Variants in PDE4B observed in about 807,000 individuals in gnomAD.
PDE4B encodes the protein 3',5'-cyclic-AMP phosphodiesterase 4B.
A neutral mutation model predicts 82.2 loss-of-function variants in PDE4B; 20 were observed. The observed-to-expected ratio is 0.24, with a 90% confidence interval of 0.17 to 0.35. The LOEUF is 0.35. Among genes scored for constraint, PDE4B ranks in the 10% least tolerant of loss-of-function variants. The pLI is 1.00. For missense variants in PDE4B, 655 were observed against 907.2 expected (o/e 0.72, Z 3.57); for synonymous variants, 320 against 318.9 (o/e 1.00, Z -0.04).
At chr1:65,994,927 A>G (rs1651450508) in intron 3 of PDE4B, among the ~76,000 whole-genome samples, 1 of 152,086 alleles carries the variant, frequency 6.6e-6, no homozygotes, top group Non-Finnish European at 1.5e-5. Context: ...AAGAACCCCA[A>G]TTTTAAAATG....
chr1:65,879,379 G>T (rs1234580531), intron 1 of PDE4B, among the ~76,000 whole-genome samples: 3 of 151,990 alleles, frequency 2.0e-5, no homozygotes, highest in Non-Finnish European at 2.9e-5. Context: ...AAAATGTTAA[G>T]CTCCTGCTAA....
intron 12 of PDE4B, among the ~76,000 whole-genome samples, chr1:66,365,033 G>T (rs557960523): frequency 1.3e-5 from 2 of 152,154 alleles, no homozygotes; most frequent in Admixed American, 6.6e-5. Context: ...GTGCATGGGT[G>T]GGGGCAGAGA....
At chr1:66,204,827 T>A (rs1649408429) in intron 3 of PDE4B, among the ~76,000 whole-genome samples, 1 of 152,208 alleles carries the variant, frequency 6.6e-6, no homozygotes, top group South Asian at 2.1e-4. Flanking sequence ...CTGCTTCAGC[T>A]CGCTCACGGT....
intron 6 of PDE4B, among the ~76,000 whole-genome samples, chr1:66,265,069 G>A (rs1309325042): frequency 2.6e-5 from 4 of 152,212 alleles, no homozygotes; most frequent in Admixed American, 1.3e-4. Context: ...CTTAATGCCA[G>A]TGTTTCTGAA....
At chr1:66,005,320 A>C (rs1374434873) in intron 3 of PDE4B, among the ~76,000 whole-genome samples, 5 of 152,116 alleles carry the variant, frequency 3.3e-5, no homozygotes, top group African/African-American at 1.2e-4. Flanking sequence ...GAAAGATAAT[A>C]ACAAGCTCAT....
chr1:65,973,889 T>A (rs1371856703), intron 3 of PDE4B, among the ~76,000 whole-genome samples: 2 of 152,164 alleles, frequency 1.3e-5, no homozygotes, highest in Non-Finnish European at 2.9e-5. Context: ...GCCGGCTCAC[T>A]GTAACGTCCA....
rs1347014857 is a variant in PDE4B, at chr1:66,361,781, T to A, written c.1008T>A (p.Asp336Glu). The change falls in exon 10 of 17, where the codon GAT becomes GAA. Residue 336 changes from aspartate (D) to glutamate (E), a missense_variant. Asp to Glu is a conservative substitution (Grantham distance 45). Around this residue, in one of 3 missense-constraint regions of PDE4B, gnomAD observed 283 missense variants for 516.4 expected, o/e 0.55. Coordinates refer to ENST00000341517, the MANE Select transcript of PDE4B (RefSeq NM_002600.4). ...TTGGAGTCAACACTGAAAATGAAGA[T>A]CACCTGGCCAAGGTGTGTATAAGCT... ...SRFGVNTENE[D>E]HLAKELEDLN... 6.2e-6 allele frequency: 10 copies of A among 1,611,400 alleles called. No individual in the cohort carries two copies.
chr1:65,881,768 G>A (rs1047737047), intron 1 of PDE4B, among the ~76,000 whole-genome samples: 1 of 152,076 alleles, frequency 6.6e-6, no homozygotes, highest in Non-Finnish European at 1.5e-5. Flanking sequence ...GCAACCTTAA[G>A]TTACCAATTT....
At chr1:66,072,974 A>C (rs1162149748) in intron 3 of PDE4B, among the ~76,000 whole-genome samples, 1 of 152,010 alleles carries the variant, frequency 6.6e-6, no homozygotes, top group Non-Finnish European at 1.5e-5. Flanking sequence ...AAATAAAAAA[A>C]ATCCCACTTC....
chr1:66,208,231 G>T (rs896696351), intron 3 of PDE4B, among the ~76,000 whole-genome samples: 9 of 152,144 alleles, frequency 5.9e-5, no homozygotes, highest in Non-Finnish European at 1.2e-4. Context: ...AGCCTTGAGA[G>T]ACAGGCACAG....
At chr1:66,028,732 G>C (rs555345843) in intron 3 of PDE4B, among the ~76,000 whole-genome samples, 1 of 152,104 alleles carries the variant, frequency 6.6e-6, no homozygotes, top group East Asian at 1.9e-4. Flanking sequence ...CTCTAGGGGA[G>C]GGGCAAAATG....
intron 3 of PDE4B, among the ~76,000 whole-genome samples, chr1:66,043,916 A>G (rs1399402060): frequency 6.6e-6 from 1 of 151,784 alleles, no homozygotes. Flanking sequence ...ACTAGGAACC[A>G]TGATTGGTAA....
At chr1:65,894,424 C>A (rs760901191) in intron 1 of PDE4B, among the ~76,000 whole-genome samples, 2 of 152,018 alleles carry the variant, frequency 1.3e-5, no homozygotes, top group Non-Finnish European at 2.9e-5. Flanking sequence ...AAATATATAA[C>A]TTCTAGAAGG....
intron 8 of PDE4B, among the ~76,000 whole-genome samples, chr1:66,333,542 C>A (rs1660283397): frequency 6.6e-6 from 1 of 152,076 alleles, no homozygotes; most frequent in Non-Finnish European, 1.5e-5. Flanking sequence ...TTTCAGAGTC[C>A]CAGTCATTCT....
At chr1:66,004,811 A>G (rs1370179819) in intron 3 of PDE4B, among the ~76,000 whole-genome samples, 1 of 152,066 alleles carries the variant, frequency 6.6e-6, no homozygotes, top group Non-Finnish European at 1.5e-5. Context: ...TCCTGGCACC[A>G]CCACTTACAA....
rs147839665 is a variant in PDE4B, at chr1:66,236,848, A to G, written c.282-10612A>G. 3.8e-3 allele frequency among the ~76,000 whole-genome samples: 583 copies of G among 152,320 alleles called. 2 individuals are homozygous for G. Among genetic ancestry groups the G allele is most frequent in the African/African-American group, 0.013 (537 of 41,582 alleles). The stretch of plus-strand genomic sequence containing the variant: ...GTTGATTGATTCATTAATGGATCCA[A>G]CCAAACTGGTTTTAAATCCACGATG... On this transcript the variant is annotated intron_variant, in intron 3 of 16. Coordinates refer to ENST00000341517, the MANE Select transcript of PDE4B (RefSeq NM_002600.4).
chr1:66,209,645 A>G (rs1472801367), intron 3 of PDE4B, among the ~76,000 whole-genome samples: 2 of 152,334 alleles, frequency 1.3e-5, no homozygotes, highest in Non-Finnish European at 2.9e-5. Flanking sequence ...ATACATTTCC[A>G]TCACTCAGTA....
chr1:66,107,483 T>G (rs2101041735), intron 3 of PDE4B, among the ~76,000 whole-genome samples: 1 of 150,696 alleles, frequency 6.6e-6, no homozygotes, highest in South Asian at 2.1e-4. Flanking sequence ...GGTTTTCAGC[T>G]GTTCACATAA....
In PDE4B at chr1:65,817,678, C is replaced by T. The variant is rs755022586; in HGVS notation, c.-71+24430C>T. On this transcript the variant is annotated intron_variant, in intron 1 of 16. Coordinates refer to ENST00000341517, the MANE Select transcript of PDE4B (RefSeq NM_002600.4). ...ATGAATGAAAAGAGCTAGAAGCATA[C>T]GCCCTAAAAATTGAAGATTAATTAA... Among the ~76,000 whole-genome samples the T allele has an allele frequency of 6.0e-4, 91 of 152,178 alleles. 1 individual carries two copies. Among genetic ancestry groups the T allele is most frequent in the Non-Finnish European group, 4.6e-4 (31 of 68,018 alleles).
Sources: gnomAD v4.1 joint callset for allele counts (sites outside exome capture counted in the v4.1 genomes callset) on GRCh38, gnomAD v4.1.1 for gene constraint, gnomAD v4.1.1 regional missense constraint, MANE v1.5 for transcripts, NCBI Gene and HGNC (gene_info 2026-07-23, HGNC 2026-07-21) for gene names.